The following PLAA variants were observed in gnomAD, a reference collection of about 807,000 sequenced individuals.
PLAA encodes phospholipase A2 activating protein.
A neutral mutation model predicts 84.1 loss-of-function variants in PLAA; 48 were observed. The observed-to-expected ratio is 0.57, with a 90% CI of 0.45 to 0.73. PLAA has a LOEUF of 0.73. PLAA is among the 30% of genes least tolerant of loss of function. The pLI is 0.00. For missense variants in PLAA, 903 were observed against 954.7 expected (o/e 0.95, Z 0.71); for synonymous variants, 392 against 336.6 (o/e 1.16, Z -1.80).
intron 1 of PLAA, among the ~76,000 whole-genome samples, chr9:26,944,798 T>C (rs1207200419): frequency 1.3e-5 from 2 of 152,084 alleles, no homozygotes; most frequent in Non-Finnish European, 2.9e-5. Context: ...GTTAGATAAA[T>C]ACATACAGGA....
At chr9:26,906,423 CTTTTTTTTTTTTTTT>C (rs35324777) in intron 13 of PLAA, among the ~76,000 whole-genome samples, 14 of 95,090 alleles carry the variant, frequency 1.5e-4, no homozygotes, top group Non-Finnish European at 2.7e-4. Flanking sequence ...AGGGAAAGTT[CTTTTTTTTTTTTTTT>C]TTTTTTTTGA....
At chr9:26,916,179 T>C (rs1824550547) in intron 10 of PLAA, 1 of 983,768 alleles carries the variant, frequency 1.0e-6, no homozygotes, top group African/African-American at 1.8e-5. Flanking sequence ...TGTATGTTTG[T>C]CCAATCTCTA....
intron 1 of PLAA, among the ~76,000 whole-genome samples, chr9:26,941,456 C>T (rs913763433): frequency 1.3e-5 from 2 of 152,134 alleles, no homozygotes; most frequent in African/African-American, 4.8e-5. Context: ...AAACTCACAA[C>T]CAGCAAGCCC....
At chr9:26,923,017 A>AG (rs2131386412) in intron 7 of PLAA, among the ~76,000 whole-genome samples, 161 bp downstream of exon 7, 1 of 152,284 alleles carries the variant, frequency 6.6e-6, no homozygotes, top group Non-Finnish European at 1.5e-5. Context: ...GACAGAGGCA[A>AG]GAACATGGTT....
At chr9:26,934,933 T>G in intron 2 of PLAA, 80 bp downstream of exon 2, 4 of 1,073,238 alleles carry the variant, frequency 3.7e-6, no homozygotes, top group East Asian at 2.6e-5. Flanking sequence ...AATAAAAACT[T>G]GAGAAAATGG....
intron 1 of PLAA, among the ~76,000 whole-genome samples, chr9:26,939,730 CAAAA>C (rs1257195473): frequency 6.6e-6 from 1 of 151,534 alleles, no homozygotes; most frequent in Non-Finnish European, 1.5e-5. Context: ...AAACAGCAAA[CAAAA>C]GAAAGCAGGA....
chr9:26,924,378 C>G (rs1824875131), intron 6 of PLAA, among the ~76,000 whole-genome samples: 1 of 152,118 alleles, frequency 6.6e-6, no homozygotes, highest in Admixed American at 6.5e-5. Context: ...AAGCGATCCT[C>G]CCACCTGGAC....
At chr9:26,932,804 C>T (rs754080678) in intron 2 of PLAA, among the ~76,000 whole-genome samples, 2 of 152,158 alleles carry the variant, frequency 1.3e-5, no homozygotes, top group African/African-American at 2.4e-5. Flanking sequence ...ACTTCTCACA[C>T]AAACACACAT....
At chr9:26,924,964 G>C (rs113586564) in intron 6 of PLAA, among the ~76,000 whole-genome samples, 1 of 152,124 alleles carries the variant, frequency 6.6e-6, no homozygotes, top group Non-Finnish European at 1.5e-5. Context: ...CTAAGGCCAC[G>C]GTCATCACCT....
At chr9:26,910,108 T>C (rs1445416823) in intron 12 of PLAA, among the ~76,000 whole-genome samples, 1 of 152,224 alleles carries the variant, frequency 6.6e-6, no homozygotes, top group East Asian at 1.9e-4. Flanking sequence ...TTTTTTTTAT[T>C]ACAGTCATCA....
chr9:26,918,706 T>G lies in PLAA; in HGVS notation c.1417+604A>C, dbSNP rs138052473. The stretch of plus-strand genomic sequence containing the variant: ...TCAAAATGTTATTTAGAGGAGGCAT[T>G]TTATTTCCTCCTACACCAGTCTCCA... On this transcript the variant is annotated intron_variant, in intron 9 of 13. Transcript: ENST00000397292. Among the ~76,000 whole-genome samples, 506 of 152,276 alleles carry G rather than the reference T, an allele frequency of 3.3e-3. 3 individuals carry two copies. Among genetic ancestry groups the G allele is most frequent in the African/African-American group, 0.012 (485 of 41,556 alleles).
intron 12 of PLAA, among the ~76,000 whole-genome samples, chr9:26,908,853 G>C (rs369697345): frequency 1.1e-4 from 16 of 152,274 alleles, no homozygotes; most frequent in Non-Finnish European, 1.5e-4. Context: ...TTCTCCATGA[G>C]AAAATTTATA....
intron 10 of PLAA, chr9:26,915,651 A>T (rs1824525468): frequency 1.0e-6 from 1 of 953,110 alleles, no homozygotes; most frequent in Admixed American, 6.2e-5. Context: ...ATATATTTAT[A>T]CAAAAGTGTA....
Position 26,925,854 on chromosome 9 carries a change from G to A in PLAA, c.840C>T (p.Leu280=), listed in dbSNP as rs765767834. 1.2e-5 allele frequency: 19 copies of A among 1,613,748 alleles called. No individual in the cohort carries two copies. The highest frequency in any genetic ancestry group is 1.6e-4 in the Middle Eastern group (1 of 6,082). The change falls in exon 6 of 14, where the codon CTC becomes CTT. Residue 280 remains leucine (L), a synonymous_variant. Transcript: ENST00000397292. Reference sequence around the variant, plus strand: ...CACCAACCACAATGTCACCATTGTCGAGCACACAGCAGCACCATATAGACT... The same window carrying A: ...CACCAACCACAATGTCACCATTGTCAAGCACACAGCAGCACCATATAGACT... ...PAQSIWCCCV[L]DNGDIVVGAS...
At position 26,947,125 on chromosome 9, in the gene PLAA, G is replaced by A. The variant is rs1825759366; in HGVS notation, c.-80C>T. On this transcript the variant is annotated 5_prime_UTR_variant, in exon 1 of 14. Coordinates refer to ENST00000397292, the MANE Select transcript of PLAA (RefSeq NM_001031689.3). ...GGGGCGACTCGGAGAGCGCCGGGCCGCGGCGGGAGAAGAGCCTGCAGGTAA... is the reference window on the plus strand; with the variant it reads ...GGGGCGACTCGGAGAGCGCCGGGCCACGGCGGGAGAAGAGCCTGCAGGTAA... 31 of 1,388,514 alleles carry A rather than the reference G, an allele frequency of 2.2e-5. No individual in the cohort carries two copies. The highest frequency in any genetic ancestry group is 2.8e-5 in the Non-Finnish European group (30 of 1,067,300). The allele number at this position is 1,388,514 out of a possible 1,614,324, so 86.0% of individuals were successfully genotyped here. A position where few individuals can be genotyped will look rare whatever the true frequency, so the allele number is the denominator to read the frequency against.
chr9:26,947,123 C>A lies in PLAA; in HGVS notation c.-78G>T, dbSNP rs1271109369. The stretch of plus-strand genomic sequence containing the variant: ...CAGGGGCGACTCGGAGAGCGCCGGG[C>A]CGCGGCGGGAGAAGAGCCTGCAGGT... On this transcript the variant is annotated 5_prime_UTR_variant, in exon 1 of 14. Transcript: ENST00000397292. 5.8e-6 allele frequency: 8 copies of A among 1,391,218 alleles called. No homozygotes were observed. The highest frequency in any genetic ancestry group is 2.3e-4 in the Middle Eastern group (1 of 4,278). 86.2% of individuals were successfully genotyped at this position (1,391,218 alleles called of 1,614,324 possible). A position where few individuals can be genotyped will look rare whatever the true frequency, so the allele number is the denominator to read the frequency against.
chr9:26,931,797 T>A (rs1369576828), intron 2 of PLAA, among the ~76,000 whole-genome samples: 2 of 152,192 alleles, frequency 1.3e-5, no homozygotes, highest in East Asian at 3.9e-4. Context: ...ATCCCACCAC[T>A]TTGGAAGGCC....
At chr9:26,944,823 A>C (rs1355052764) in intron 1 of PLAA, among the ~76,000 whole-genome samples, 2 of 152,168 alleles carry the variant, frequency 1.3e-5, no homozygotes, top group African/African-American at 4.8e-5. Flanking sequence ...ATTTTGAAAA[A>C]CAAAAACAAA....
chr9:26,905,008 T>C lies in PLAA; in HGVS notation c.*503A>G, dbSNP rs1315410770. The stretch of plus-strand genomic sequence containing the variant: ...AATCAAGAAATTATCTTATATTGTT[T>C]TAATATATGAATTTATAAATTATTT... On this transcript the variant is annotated 3_prime_UTR_variant, in exon 14 of 14. Coordinates refer to ENST00000397292, the MANE Select transcript of PLAA (RefSeq NM_001031689.3). 6.6e-6 allele frequency: 1 copy of C among 151,790 alleles called. No individual in the cohort carries two copies. Among genetic ancestry groups the C allele is most frequent in the Non-Finnish European group, 1.5e-5 (1 of 67,906 alleles). The allele number at this position is 151,790 out of a possible 1,614,324, so 9.4% of individuals were successfully genotyped here. A position where few individuals can be genotyped will look rare whatever the true frequency, so the allele number is the denominator to read the frequency against.
Sources: gnomAD v4.1 joint callset for allele counts (sites outside exome capture counted in the v4.1 genomes callset) on GRCh38, gnomAD v4.1.1 for gene constraint, MANE v1.5 for transcripts, NCBI Gene and HGNC (gene_info 2026-07-23, HGNC 2026-07-21) for gene names.